ITFG2: variants seen among roughly 807,000 people sequenced by gnomAD.
ITFG2 encodes integrin alpha FG-GAP repeat containing 2.
In ITFG2, 36 loss-of-function variants were observed where a neutral mutation model predicts 54.4. The observed-to-expected ratio is 0.66, with a 90% CI of 0.51 to 0.87. The LOEUF (loss-of-function observed/expected upper bound fraction) is 0.87. ITFG2 is among the 40% of genes least tolerant of loss of function. The pLI is 0.00. For missense variants in ITFG2, 524 were observed against 576.7 expected, an observed-to-expected ratio of 0.91 and a Z score of 0.94; for synonymous variants, 211 against 225.4, an observed-to-expected ratio of 0.94 and a Z score of 0.57.
intron 2 of ITFG2, among the ~76,000 whole-genome samples, chr12:2,849,916 C>G (rs112874434): frequency 0.022 from 3,397 of 152,288 alleles, 118 homozygotes; most frequent in African/African-American, 0.078. Flanking sequence ...TCTCAGTAAG[C>G]CTGCGGTATT....
chr12:2,814,069 G>C (rs986528302), intron 1 of ITFG2, among the ~76,000 whole-genome samples: 4 of 152,094 alleles, frequency 2.6e-5, no homozygotes, highest in African/African-American at 9.7e-5. Flanking sequence ...CCAACCTCCT[G>C]CGTAGCTGGG....
chr12:2,851,835 C>A (rs1218309594), intron 2 of ITFG2, among the ~76,000 whole-genome samples: 1 of 151,710 alleles, frequency 6.6e-6, no homozygotes, highest in Non-Finnish European at 1.5e-5. Context: ...TGTGCCACCA[C>A]GCCTGACTAA....
intron 1 of ITFG2, among the ~76,000 whole-genome samples, chr12:2,838,255 A>G (rs2098033202): frequency 6.6e-6 from 1 of 152,238 alleles, no homozygotes; most frequent in African/African-American, 2.4e-5. Flanking sequence ...GCTGAAAAGC[A>G]TCTCCTCCAA....
intron 5 of ITFG2, 95 bp downstream of exon 5, chr12:2,820,320 G>A (rs2097939047): frequency 7.1e-7 from 1 of 1,411,176 alleles, no homozygotes; most frequent in Non-Finnish European, 9.4e-7. Context: ...ACAGGGCCAG[G>A]GTGGGGAGAA....
At chr12:2,824,011 T>C in intron 11 of ITFG2, 68 bp downstream of exon 11, 1 of 1,612,746 alleles carries the variant, frequency 6.2e-7, no homozygotes, top group Non-Finnish European at 8.5e-7. Context: ...GAGCTGGGCG[T>C]GGGTGAGTCC....
intron 1 of ITFG2, among the ~76,000 whole-genome samples, chr12:2,816,636 CTT>C (rs57417012): frequency 0.023 from 2,612 of 111,236 alleles, 61 homozygotes; most frequent in African/African-American, 0.089. Context: ...GCCTTTTTTT[CTT>C]TTTTTTTTTT....
At chr12:2,851,144 CAA>C (rs1216441549) in intron 2 of ITFG2, among the ~76,000 whole-genome samples, 3 of 150,070 alleles carry the variant, frequency 2.0e-5, no homozygotes, top group South Asian at 2.1e-4. Context: ...GCCTGGGCGA[CAA>C]GAGCGAAACT....
Position 2,812,707 on chromosome 12 carries a change from G to A in ITFG2, c.-54G>A, listed in dbSNP as rs1378848866. On this transcript the variant is annotated 5_prime_UTR_variant, in exon 1 of 12. Transcript: ENST00000228799. Reference sequence around the variant, plus strand: ...TCCGCTCTGGCGGCTGTCGCGACGGGGGTTCAGGGAATATTTACTGGGCCT... The same window carrying A: ...TCCGCTCTGGCGGCTGTCGCGACGGAGGTTCAGGGAATATTTACTGGGCCT... The A allele has an allele frequency of 2.0e-6, 3 of 1,502,530 alleles. No individual in the cohort carries two copies. The highest frequency in any genetic ancestry group is 2.8e-6 in the Non-Finnish European group (3 of 1,082,530). The allele number at this position is 1,502,530 out of a possible 1,614,324, so 93.1% of individuals were successfully genotyped here.
At chr12:2,827,138 C>T (rs551561556), downstream of ITFG2, 8 of 1,605,886 alleles carry the variant, frequency 5.0e-6, no homozygotes, top group Admixed American at 1.7e-5. This position sits in a 1 kb window ranked among gnomAD's most constrained non-coding sequence, Gnocchi z 4.0. Flanking sequence ...GCTTCAAGAG[C>T]CCCCGTTCCC....
At chr12:2,858,828 T>C (rs770372738) in intron 3 of ITFG2, 12 of 1,614,190 alleles carry the variant, frequency 7.4e-6, no homozygotes, top group South Asian at 1.1e-5. Context: ...GGAGCCTGGC[T>C]TGGGGACGTC....
chr12:2,858,538 C>T, intron 3 of ITFG2: 1 of 1,021,964 alleles, frequency 9.8e-7, no homozygotes, highest in Non-Finnish European at 1.4e-6. Context: ...AGGAGCAGAA[C>T]AGTCCCTGCC....
chr12:2,830,734 T>A (rs1330921639), intron 2 of ITFG2: 1 of 1,613,182 alleles, frequency 6.2e-7, no homozygotes, highest in East Asian at 2.2e-5. Context: ...AGAGCTGGAA[T>A]CTCTGTCCTG....
At chr12:2,814,405 C>T (rs938178850) in intron 1 of ITFG2, among the ~76,000 whole-genome samples, 4 of 152,318 alleles carry the variant, frequency 2.6e-5, no homozygotes, top group African/African-American at 4.8e-5. Flanking sequence ...CTATTACACA[C>T]TCACTTCTGC....
At chr12:2,855,518 C>CT in intron 2 of ITFG2, 1 of 1,208,494 alleles carries the variant, frequency 8.3e-7, no homozygotes, top group Non-Finnish European at 1.1e-6. Flanking sequence ...TGAGGCACTC[C>CT]GCTCTCCTTC....
intron 2 of ITFG2, among the ~76,000 whole-genome samples, chr12:2,851,852 T>G (rs930984317): frequency 2.0e-5 from 3 of 151,786 alleles, no homozygotes; most frequent in Non-Finnish European, 4.4e-5. Flanking sequence ...CTAATTTTTG[T>G]ATTTGTAGTA....
At chr12:2,855,342 G>C (rs1330562607) in intron 2 of ITFG2, 36 of 1,532,088 alleles carry the variant, frequency 2.3e-5, no homozygotes, top group Non-Finnish European at 3.1e-5. Flanking sequence ...GCTGGTGGTA[G>C]GCTTGCCGGG....
At chr12:2,814,796 T>TA (rs2097917767) in intron 1 of ITFG2, among the ~76,000 whole-genome samples, 1 of 152,046 alleles carries the variant, frequency 6.6e-6, no homozygotes, top group African/African-American at 2.4e-5. Context: ...CACACTACGG[T>TA]ACTCCAGCTT....
Position 2,858,568 on chromosome 12 carries a change from C to T in ITFG2, n.620+237C>T, listed in dbSNP as rs2153930898. The stretch of plus-strand genomic sequence containing the variant: ...CCTGCCTGCTGTCCTCACTCAGAGG[C>T]TTGGGGTGCACTGAGCCTTGGAGTG... On this transcript the variant is annotated intron_variant and non_coding_transcript_variant, in intron 3 of 3. Coordinates refer to the ITFG2 transcript ENST00000537710. The T allele has an allele frequency of 2.2e-6, 3 of 1,373,120 alleles. No homozygotes were observed. In the Admixed American group the frequency reaches 5.8e-5, roughly 27 times the overall value. 85.1% of individuals were successfully genotyped at this position (1,373,120 alleles called of 1,614,324 possible).
At chr12:2,820,477 C>G (rs916152887) in intron 5 of ITFG2, among the ~76,000 whole-genome samples, 26 of 152,104 alleles carry the variant, frequency 1.7e-4, no homozygotes, top group Non-Finnish European at 7.4e-5. Context: ...GCATCAGGAC[C>G]TAGACCCCAG....
Sources: allele counts gnomAD v4.1 joint callset (sites outside exome capture counted in the v4.1 genomes callset), GRCh38; gene constraint gnomAD v4.1.1; non-coding constraint Gnocchi (gnomAD v3.1); transcripts MANE v1.5; gene names NCBI Gene and HGNC (gene_info 2026-07-23, HGNC 2026-07-21).